TULP4: variants seen among roughly 807,000 people sequenced by gnomAD.
TULP4 encodes tubby-related protein 4.
TULP4 carries 16 observed loss-of-function variants against 129.0 expected under a neutral mutation model. The ratio of observed to expected loss-of-function variants is 0.12; its 90% confidence interval spans 0.08 to 0.19. The LOEUF is 0.19. Ranked by LOEUF, TULP4 falls within the 10% of genes least tolerant of loss-of-function variation. The probability of loss-of-function intolerance (pLI) is 1.00; values close to 1 mark genes in which losing one functional copy is unlikely to be tolerated. For synonymous variants in TULP4, 998 were observed against 854.0 expected (o/e 1.17, Z -2.94); for missense variants, 1,842 against 2,059.1 (o/e 0.89, Z 2.04).
intron 1 of TULP4, among the ~76,000 whole-genome samples, chr6:158,378,485 T>TTTTTTGGG (rs1554285635): frequency 1.2e-4 from 6 of 51,412 alleles, no homozygotes; most frequent in Admixed American, 2.6e-4. Flanking sequence ...TTTTTTTTTT[T>TTTTTTGGG]GGTGGGGGTG....
intron 1 of TULP4, among the ~76,000 whole-genome samples, chr6:158,317,890 G>A (rs561588184): frequency 6.6e-6 from 1 of 152,246 alleles, no homozygotes; most frequent in African/African-American, 2.4e-5. Flanking sequence ...GTTTTGATTT[G>A]CATTTCTCTG....
chr6:158,417,790 T>C (rs975845709), intron 2 of TULP4, among the ~76,000 whole-genome samples: 5 of 152,202 alleles, frequency 3.3e-5, no homozygotes, highest in African/African-American at 9.6e-5. Context: ...TAATCAAACA[T>C]TTGGCAAAAG....
intron 1 of TULP4, among the ~76,000 whole-genome samples, chr6:158,396,755 A>T (rs1484157742): frequency 1.3e-5 from 2 of 152,232 alleles, no homozygotes; most frequent in African/African-American, 2.4e-5. Flanking sequence ...ATACATACAC[A>T]TTGTAATATA....
chr6:158,381,977 T>A (rs1777337834), intron 1 of TULP4, among the ~76,000 whole-genome samples: 1 of 152,168 alleles, frequency 6.6e-6, no homozygotes, highest in African/African-American at 2.4e-5. Flanking sequence ...GTGAGCTCTT[T>A]TAGGGAGGGA....
At chr6:158,245,628 A>G (rs1177525960) in intron 1 of TULP4, among the ~76,000 whole-genome samples, 4 of 152,218 alleles carry the variant, frequency 2.6e-5, no homozygotes, top group African/African-American at 9.7e-5. Context: ...AAATGTTAGA[A>G]CAGATATATG....
intron 1 of TULP4, among the ~76,000 whole-genome samples, chr6:158,363,896 A>C (rs930586302): frequency 6.6e-6 from 1 of 152,218 alleles, no homozygotes; most frequent in Non-Finnish European, 1.5e-5. Context: ...GAAAAGAAAA[A>C]TTTAGTTTTG....
chr6:158,255,179 T>TC (rs1038073126), intron 1 of TULP4, among the ~76,000 whole-genome samples: 2 of 152,140 alleles, frequency 1.3e-5, no homozygotes, highest in Admixed American at 6.5e-5. Flanking sequence ...TGTTTATGAA[T>TC]CCCCCTGCAG....
intron 1 of TULP4, among the ~76,000 whole-genome samples, chr6:158,332,833 G>T (rs1779942384): frequency 6.6e-6 from 1 of 151,992 alleles, no homozygotes; most frequent in Non-Finnish European, 1.5e-5. Flanking sequence ...GCTTAACCTT[G>T]TGCTCACTTT....
In TULP4 at chr6:158,252,322, C is replaced by G. The variant is rs1433133965; in HGVS notation, n.68+20019C>G. On this transcript the variant is annotated intron_variant and non_coding_transcript_variant, in intron 1 of 1. Transcript: ENST00000620026. ...GTCTTTTTCCCATAGAATGTTTTTT[C>G]TTTTTTTTTTTTTCTTGAGCAGATG... 3.6e-5 allele frequency among the ~76,000 whole-genome samples: 5 copies of G among 138,160 alleles called. No individual in the cohort carries two copies. In the East Asian group the frequency reaches 1.1e-3, roughly 30 times the overall value. The allele number at this position is 138,160 out of a possible 152,430, so 90.6% of individuals were successfully genotyped here.
rs949866103 is a variant in TULP4 at position 158,410,771 on chromosome 6, TA to T, written c.253-2285del. ...GACTTTTGTTGATGTTGGTCTAACT[TA>T]AAAAAAAATCAGTAATTCTAATACA... On this transcript the variant is annotated intron_variant, in intron 1 of 13. Coordinates refer to ENST00000367097, the MANE Select transcript of TULP4 (RefSeq NM_020245.5). Among the ~76,000 whole-genome samples, 240 of 151,800 alleles carry T rather than the reference TA, an allele frequency of 1.6e-3. 2 individuals are homozygous for T. Among genetic ancestry groups the T allele is most frequent in the South Asian group, 0.014 (65 of 4,782 alleles).
chr6:158,328,977 T>C (rs1278209180), intron 1 of TULP4, among the ~76,000 whole-genome samples: 3 of 152,138 alleles, frequency 2.0e-5, no homozygotes, highest in Non-Finnish European at 2.9e-5. Flanking sequence ...TTCTCTGGGA[T>C]ATGGTATAGG....
At chr6:158,384,921 C>G (rs2114926101) in intron 1 of TULP4, among the ~76,000 whole-genome samples, 1 of 152,308 alleles carries the variant, frequency 6.6e-6, no homozygotes, top group Non-Finnish European at 1.5e-5. Context: ...ATCAAATGAT[C>G]TGCTTGGAAA....
chr6:158,476,506 G>A (rs1031862877), intron 6 of TULP4, among the ~76,000 whole-genome samples: 2 of 152,114 alleles, frequency 1.3e-5, no homozygotes, highest in Non-Finnish European at 2.9e-5. Context: ...AGTCGTCCGA[G>A]CGAATGCGCT....
intron 1 of TULP4, among the ~76,000 whole-genome samples, chr6:158,244,928 C>T (rs1339537766): frequency 3.9e-5 from 6 of 152,036 alleles, no homozygotes; most frequent in Admixed American, 3.3e-4. Flanking sequence ...GGTTTTATCG[C>T]AGCCTGAGCA....
At chr6:158,291,094 T>G (rs1285839212) in intron 1 of TULP4, among the ~76,000 whole-genome samples, 1 of 152,238 alleles carries the variant, frequency 6.6e-6, no homozygotes, top group East Asian at 1.9e-4. Context: ...GTCTGCTGTT[T>G]CTGCTTTATT....
At chr6:158,439,562 A>G (rs1263844161) in intron 3 of TULP4, among the ~76,000 whole-genome samples, 1 of 152,132 alleles carries the variant, frequency 6.6e-6, no homozygotes, top group African/African-American at 2.4e-5. Context: ...TTGAATCCTG[A>G]TGCACCTGGT....
Position 158,313,926 on chromosome 6 carries a change from C to T in TULP4, c.-91C>T. On this transcript the variant is annotated 5_prime_UTR_variant, in exon 1 of 14. Transcript: ENST00000367097. ...GGGGGAAAAAAGCAACGCAAGCCAA[C>T]CACAAAAACACATATACCAATGAAA... 1 of 1,480,984 alleles carries T rather than the reference C, an allele frequency of 6.8e-7. No individual in the cohort carries two copies. The highest frequency in any genetic ancestry group is 1.4e-5 in the African/African-American group (1 of 71,378). 91.7% of individuals were successfully genotyped at this position (1,480,984 alleles called of 1,614,324 possible).
chr6:158,337,009 T>C (rs1780049008), intron 1 of TULP4, among the ~76,000 whole-genome samples: 1 of 151,018 alleles, frequency 6.6e-6, no homozygotes, highest in Non-Finnish European at 1.5e-5. Flanking sequence ...GGAAAGGTTA[T>C]GAGCTGTAAA....
intron 2 of TULP4, among the ~76,000 whole-genome samples, chr6:158,426,076 G>A (rs1778484417): frequency 6.6e-6 from 1 of 152,050 alleles, no homozygotes; most frequent in Non-Finnish European, 1.5e-5. Flanking sequence ...TAATGGGGTT[G>A]TTTTCTTGTA....
Sources: allele counts gnomAD v4.1 joint callset (sites outside exome capture counted in the v4.1 genomes callset), GRCh38; gene constraint gnomAD v4.1.1; transcripts MANE v1.5; gene names NCBI Gene and HGNC (gene_info 2026-07-23, HGNC 2026-07-21).